Variants in ERFE observed in about 807,000 individuals in gnomAD.
ERFE encodes erythroferrone.
ERFE carries 25 observed loss-of-function variants against 26.6 expected under a neutral mutation model. The ratio of observed to expected loss-of-function variants is 0.94; its 90% CI spans 0.69 to 1.31. The LOEUF is 1.31. Ranked by LOEUF, ERFE falls within the 40% of genes most tolerant of loss-of-function variation. The probability of loss-of-function intolerance (pLI) is 0.00; values close to 1 mark genes in which losing one functional copy is unlikely to be tolerated. For synonymous variants in ERFE, 206 were observed against 204.5 expected, an observed-to-expected ratio of 1.01 and a Z score of -0.06; for missense variants, 447 against 440.2, an observed-to-expected ratio of 1.02 and a Z score of -0.14.
intron 1 of ERFE, among the ~76,000 whole-genome samples, chr2:238,159,791 G>A (rs1692910933): frequency 6.6e-6 from 1 of 152,214 alleles, no homozygotes; most frequent in South Asian, 2.1e-4. Context: ...TTGGGGAGGT[G>A]TGGCCCAGGC....
chr2:238,159,711 C>G (rs1442065604), intron 1 of ERFE, among the ~76,000 whole-genome samples: 1 of 152,156 alleles, frequency 6.6e-6, no homozygotes, highest in African/African-American at 2.4e-5. Flanking sequence ...AGTGGGTGAT[C>G]TTGAGCTCTG....
chr2:238,167,071 C>G lies in ERFE; in HGVS notation c.*17C>G. On this transcript the variant is annotated 3_prime_UTR_variant, in exon 8 of 8. Transcript: ENST00000546354. ...GGCGTGTGAGCGGCCACCACAGGCC[C>G]TTCCTCTCAGGGGCAAATGGAGCAC... is the stretch of plus-strand genomic sequence containing the variant. The G allele has an allele frequency of 6.5e-7, 1 of 1,548,460 alleles. No individual in the cohort carries two copies.
chr2:238,159,105 G>C lies in ERFE; in HGVS notation c.98G>C (p.Gly33Ala), dbSNP rs190953105. ...GCGGGCCTGGGGTCCCCGGAGCCTG[G>C]GGCGCCCTCGAGGAGCCGCGCCCGC... ...AAAGLGSPEP[G>A]APSRSRARRE... The change falls in exon 1 of 8, where the codon GGG becomes GCG. Residue 33 changes from glycine (G) to alanine (A), a missense_variant. Coordinates refer to ENST00000546354, the MANE Select transcript of ERFE (RefSeq NM_001291832.2). 0.065 allele frequency: 13,426 copies of C among 207,258 alleles called. 557 individuals are homozygous for C. The highest frequency in any genetic ancestry group is 0.14 in the South Asian group (893 of 6,356). The allele number at this position is 207,258 out of a possible 1,614,324, so 12.8% of individuals were successfully genotyped here.
At chr2:238,161,752 G>C in intron 2 of ERFE, 36 bp downstream of exon 2, 1 of 1,517,336 alleles carries the variant, frequency 6.6e-7, no homozygotes, top group Non-Finnish European at 8.9e-7. Flanking sequence ...AGGCCGTGGG[G>C]GGTTCCGCCT....
rs552065296 is a variant in ERFE at position 238,168,186 on chromosome 2, G to T, written c.*1132G>T. The T allele has an allele frequency of 6.3e-6, 2 of 315,726 alleles. No homozygotes were observed. Among genetic ancestry groups the T allele is most frequent in the South Asian group, 5.3e-5 (2 of 37,462 alleles). 19.6% of individuals were successfully genotyped at this position (315,726 alleles called of 1,614,324 possible). A position where few individuals can be genotyped will look rare whatever the true frequency, so the allele number is the denominator to read the frequency against. On this transcript the variant is annotated 3_prime_UTR_variant, in exon 8 of 8. Transcript: ENST00000546354. Reference sequence around the variant, plus strand: ...AGTGATGGGGCCTGGGGATGGGGACGGCAGCTCTCATGAGGACACACAGGC... The same window carrying T: ...AGTGATGGGGCCTGGGGATGGGGACTGCAGCTCTCATGAGGACACACAGGC...
chr2:238,161,574 C>G lies in ERFE; in HGVS notation c.199-20C>G. The G allele has an allele frequency of 6.6e-7, 1 of 1,514,888 alleles. No individual in the cohort carries two copies. Among genetic ancestry groups the G allele is most frequent in the Non-Finnish European group, 8.9e-7 (1 of 1,120,506 alleles). The allele number at this position is 1,514,888 out of a possible 1,614,324, so 93.8% of individuals were successfully genotyped here. On this transcript the variant is annotated intron_variant, in intron 1 of 7. Transcript: ENST00000546354. Reference sequence around the variant, plus strand: ...GAGCCCAGTGAGGCCAACCGCCCTGCTGGGCTGGCTGTGTTCCAGGAGCCC... The same window carrying G: ...GAGCCCAGTGAGGCCAACCGCCCTGGTGGGCTGGCTGTGTTCCAGGAGCCC...
intron 6 of ERFE, 48 bp from the exon 7 acceptor site, chr2:238,165,558 G>T (rs1202311129): frequency 3.4e-6 from 5 of 1,461,582 alleles, no homozygotes; most frequent in Non-Finnish European, 4.7e-6. Context: ...AGGTGAAGTT[G>T]GTGGGGTCTC....
At chr2:238,160,381 A>T (rs536379632) in intron 1 of ERFE, among the ~76,000 whole-genome samples, 2 of 152,270 alleles carry the variant, frequency 1.3e-5, no homozygotes, top group South Asian at 4.1e-4. Context: ...TGCAGCTGGG[A>T]GGGTCAGCTG....
Position 238,163,906 on chromosome 2 carries a change from G to GGCGCCGCGC in ERFE, c.596_604dup (p.Ala199_Arg201dup), listed in dbSNP as rs1300116467. On this transcript the variant is annotated inframe_insertion, in exon 4 of 8. Coordinates refer to ENST00000546354, the MANE Select transcript of ERFE (RefSeq NM_001291832.2). ...CCGCGCCCCTGGCCCCGGGGCCGCGGGCGCCGCGCGTGGAGGCCGCTTTCC... is the reference window on the plus strand; with the variant it reads ...CCGCGCCCCTGGCCCCGGGGCCGCGGGCGCCGCGCGCGCCGCGCGTGGAGGCCGCTTTCC... 7.8e-5 allele frequency: 103 copies of GGCGCCGCGC among 1,319,752 alleles called. No homozygotes were observed. The highest frequency in any genetic ancestry group is 6.3e-4 in the Admixed American group (15 of 23,952). 81.8% of individuals were successfully genotyped at this position (1,319,752 alleles called of 1,614,324 possible). A position where few individuals can be genotyped will look rare whatever the true frequency, so the allele number is the denominator to read the frequency against.
At chr2:238,164,420 G>T in intron 6 of ERFE, 60 bp downstream of exon 6, 1 of 1,503,082 alleles carries the variant, frequency 6.7e-7, no homozygotes. Flanking sequence ...CAAGCTGGAG[G>T]TGGTTAAACA....
chr2:238,162,936 C>A, intron 3 of ERFE, 98 bp downstream of exon 3: 4 of 950,630 alleles, frequency 4.2e-6, no homozygotes, highest in Non-Finnish European at 4.7e-6. Context: ...AACACTTCGG[C>A]GGGCACCCAA....
At chr2:238,159,883 G>A (rs1267874606) in intron 1 of ERFE, among the ~76,000 whole-genome samples, 1 of 152,220 alleles carries the variant, frequency 6.6e-6, no homozygotes, top group Non-Finnish European at 1.5e-5. Context: ...AGGGAAGCCG[G>A]GGTGGGCGGC....
Position 238,163,971 on chromosome 2 carries a change from C to G in ERFE, c.659C>G (p.Ala220Gly). 7.2e-7 allele frequency: 1 copy of G among 1,385,736 alleles called. No homozygotes were observed. Among genetic ancestry groups the G allele is most frequent in the Non-Finnish European group, 9.3e-7 (1 of 1,076,448 alleles). The allele number at this position is 1,385,736 out of a possible 1,614,324, so 85.8% of individuals were successfully genotyped here. ...LRRDALVERR[A>G]LHELGVYYLP... ...CGGGACGCGTTGGTGGAGCGGCGCGCGCTGCACGAGCTTGGCGTCTACTAC... is the reference window on the plus strand; with the variant it reads ...CGGGACGCGTTGGTGGAGCGGCGCGGGCTGCACGAGCTTGGCGTCTACTAC... The change falls in exon 4 of 8, where the codon GCG (alanine) becomes GGG (glycine). Residue 220 changes from alanine to glycine, a missense_variant. Coordinates refer to ENST00000546354, the MANE Select transcript of ERFE (RefSeq NM_001291832.2).
Position 238,163,807 on chromosome 2 carries a change from G to A in ERFE, c.495G>A (p.Ala165=), listed in dbSNP as rs1692979422. The change falls in exon 4 of 8, where the codon GCG becomes GCA. Residue 165 remains alanine (A), a synonymous_variant. Coordinates refer to ENST00000546354, the MANE Select transcript of ERFE (RefSeq NM_001291832.2). ...GTGGCCCCGCCGGGCCGGTCGCTGCGAGCCTCGCCCCGGTCTCGGCCACCG... is the reference window on the plus strand; with the variant it reads ...GTGGCCCCGCCGGGCCGGTCGCTGCAAGCCTCGCCCCGGTCTCGGCCACCG... The part of the protein sequence containing the change: ...CTCGPAGPVA[A]SLAPVSATAG... 1.5e-6 allele frequency: 2 copies of A among 1,344,878 alleles called. No homozygotes were observed. Among genetic ancestry groups the A allele is most frequent in the African/African-American group, 1.5e-5 (1 of 65,190 alleles). 83.3% of individuals were successfully genotyped at this position (1,344,878 alleles called of 1,614,324 possible).
intron 1 of ERFE, among the ~76,000 whole-genome samples, chr2:238,160,209 G>A (rs527431449): frequency 6.6e-6 from 1 of 152,332 alleles, no homozygotes; most frequent in East Asian, 1.9e-4. Context: ...GTCCTCCCAG[G>A]CTCCAAGGCT....
Position 238,161,726 on chromosome 2 carries a change from G to A in ERFE, c.321+10G>A. On this transcript the variant is annotated intron_variant, in intron 2 of 7. Coordinates refer to ENST00000546354, the MANE Select transcript of ERFE (RefSeq NM_001291832.2). ...GGCCAAGAAGCTGAAGGTGAGGCCG[G>A]CATCCCGTCAGTGCCAGGCCGTGGG... is the stretch of plus-strand genomic sequence containing the variant. 2 of 1,538,522 alleles carry A rather than the reference G, an allele frequency of 1.3e-6. No individual in the cohort carries two copies. Among genetic ancestry groups the A allele is most frequent in the East Asian group, 2.5e-5 (1 of 40,510 alleles).
chr2:238,163,278 T>G (rs1401417851), intron 3 of ERFE, among the ~76,000 whole-genome samples: 1 of 152,240 alleles, frequency 6.6e-6, no homozygotes, highest in Non-Finnish European at 1.5e-5. Flanking sequence ...GAGGCAGGGC[T>G]GAGTGGAGCC....
chr2:238,161,967 G>A (rs964388311), intron 2 of ERFE, among the ~76,000 whole-genome samples: 7 of 152,226 alleles, frequency 4.6e-5, no homozygotes, highest in Non-Finnish European at 1.0e-4. Flanking sequence ...TCCAGGCCAG[G>A]GAGGCTGGGC....
At chr2:238,165,579 C>T in intron 6 of ERFE, 27 bp from the exon 7 acceptor site, 1 of 1,534,480 alleles carries the variant, frequency 6.5e-7, no homozygotes, top group Non-Finnish European at 8.8e-7. Flanking sequence ...ATGGGGCAGG[C>T]TGACCCTCCC....
Sources: allele counts gnomAD v4.1 joint callset (sites outside exome capture counted in the v4.1 genomes callset), GRCh38; gene constraint gnomAD v4.1.1; transcripts MANE v1.5; gene names NCBI Gene and HGNC (gene_info 2026-07-23, HGNC 2026-07-21).